The following CFDP1 variants were observed in gnomAD, a reference collection of about 807,000 sequenced individuals.
CFDP1 encodes chromatin remodeling protein CFDP1, also known as heterochromatin-stabilizing protein CFDP1.
In CFDP1, 31 loss-of-function variants were observed where a neutral mutation model predicts 40.1. That is an observed-to-expected ratio of 0.77 (90% confidence interval 0.58 to 1.04). The LOEUF is 1.04. CFDP1 is among the 50% of genes least tolerant of loss of function. The pLI, the probability that CFDP1 is intolerant of heterozygous loss-of-function variation, is 0.00. For synonymous variants in CFDP1, 167 were observed against 120.0 expected (o/e 1.39, Z -2.56); for missense variants, 423 against 343.4 (o/e 1.23, Z -1.83).
intron 1 of CFDP1, among the ~76,000 whole-genome samples, chr16:75,430,412 C>G (rs988855045): frequency 1.3e-5 from 2 of 151,898 alleles, no homozygotes; most frequent in African/African-American, 2.4e-5. Flanking sequence ...CTCAGGCAAT[C>G]CGCCCACCAC....
chr16:75,302,652 T>G (rs573170125), intron 6 of CFDP1, among the ~76,000 whole-genome samples: 60 of 152,362 alleles, frequency 3.9e-4, no homozygotes, highest in African/African-American at 1.3e-3. Context: ...CACACGCTGA[T>G]AGTTCCTCTG....
intron 6 of CFDP1, among the ~76,000 whole-genome samples, chr16:75,297,428 T>A (rs944573288): frequency 2.0e-5 from 3 of 152,104 alleles, no homozygotes; most frequent in Non-Finnish European, 4.4e-5. Context: ...GAAGGGCTCA[T>A]TAGAAAGGCC....
In CFDP1 at chr16:75,318,567, A is replaced by G. The variant is rs377083159; in HGVS notation, c.651-13385T>C. Reference sequence around the variant, plus strand: ...ACTACAGGTGCATGCTGCCATGCCTAGCTAATTTTTGTATTTTTAGTAGAG... The same window carrying G: ...ACTACAGGTGCATGCTGCCATGCCTGGCTAATTTTTGTATTTTTAGTAGAG... On this transcript the variant is annotated intron_variant, in intron 5 of 6. Transcript: ENST00000283882. Among the ~76,000 whole-genome samples, 38 of 151,990 alleles carry G rather than the reference A, an allele frequency of 2.5e-4. No individual in the cohort carries two copies. The South Asian group carries it at 6.0e-3, about 24-fold the overall frequency.
intron 5 of CFDP1, among the ~76,000 whole-genome samples, chr16:75,330,661 T>C (rs1014298630): frequency 1.3e-5 from 2 of 152,212 alleles, no homozygotes; most frequent in East Asian, 1.9e-4. Context: ...GAGAGGTCTT[T>C]CTTCTACAGC....
intron 1 of CFDP1, among the ~76,000 whole-genome samples, chr16:75,423,584 C>A (rs1018052649): frequency 6.6e-6 from 1 of 151,906 alleles, no homozygotes; most frequent in African/African-American, 2.4e-5. Context: ...GTGCGATCTC[C>A]GCTCACTGCA....
chr16:75,386,023 A>C (rs1043078363), intron 5 of CFDP1, among the ~76,000 whole-genome samples: 1 of 152,216 alleles, frequency 6.6e-6, no homozygotes, highest in African/African-American at 2.4e-5. Flanking sequence ...GTATAGGAAT[A>C]CGGCAAAATA....
intron 5 of CFDP1, among the ~76,000 whole-genome samples, chr16:75,393,289 C>A (rs1379139458): frequency 1.3e-5 from 2 of 152,150 alleles, no homozygotes; most frequent in Non-Finnish European, 2.9e-5. Context: ...TCTTGTACCT[C>A]TCTATTGGGG....
In CFDP1 at chr16:75,305,095, C is replaced by T. The variant is rs747341926; in HGVS notation, c.738G>A (p.Leu246=). Residue 246 remains leucine (L), a synonymous_variant, in exon 6 of 7, where the codon CTG becomes CTA. Coordinates refer to ENST00000283882, the MANE Select transcript of CFDP1 (RefSeq NM_006324.3). ...CTTCCTCCTTGAAGCTCTCCCAGTC[C>T]AGTTTGGACTTCTCAAGGGTGCTCA... ...QKMSTLEKSK[L]DWESFKEEEG... 56 of 1,614,058 alleles carry T rather than the reference C, an allele frequency of 3.5e-5. No homozygotes were observed. The highest frequency in any genetic ancestry group is 4.7e-5 in the Non-Finnish European group (56 of 1,180,034).
chr16:75,399,559 T>C (rs1270031850), intron 4 of CFDP1, among the ~76,000 whole-genome samples: 1 of 152,138 alleles, frequency 6.6e-6, no homozygotes, highest in African/African-American at 2.4e-5. Flanking sequence ...TTTTTTTTGT[T>C]TTAAAGACAG....
At chr16:75,371,528 G>C (rs2078751181) in intron 5 of CFDP1, among the ~76,000 whole-genome samples, 2 of 152,138 alleles carry the variant, frequency 1.3e-5, no homozygotes, top group African/African-American at 4.8e-5. Flanking sequence ...TAAGCGTTTT[G>C]GTTAAGCTTC....
At position 75,422,245 on chromosome 16, in the gene CFDP1, T is replaced by G. The variant is rs535574652; in HGVS notation, c.65-7550A>C. Among the ~76,000 whole-genome samples the G allele has an allele frequency of 7.3e-5, 11 of 151,664 alleles. No individual in the cohort carries two copies. The South Asian group carries it at 2.3e-3, about 32-fold the overall frequency. On this transcript the variant is annotated intron_variant, in intron 1 of 6. Transcript: ENST00000283882. The stretch of plus-strand genomic sequence containing the variant: ...CCAAGTAGCTGGGATTACAGGCGCT[T>G]GCCACCACACCCGGCTAATTTTTTG...
chr16:75,389,413 C>T (rs2078929385), intron 5 of CFDP1, among the ~76,000 whole-genome samples: 1 of 152,194 alleles, frequency 6.6e-6, no homozygotes, highest in Non-Finnish European at 1.5e-5. Context: ...AAAACATAAA[C>T]TTTGGCTTTT....
At chr16:75,367,646 A>G (rs1425958304) in intron 5 of CFDP1, among the ~76,000 whole-genome samples, 2 of 151,834 alleles carry the variant, frequency 1.3e-5, no homozygotes, top group African/African-American at 4.8e-5. Context: ...TACAAAAATT[A>G]GCCGGTCGTG....
intron 6 of CFDP1, among the ~76,000 whole-genome samples, chr16:75,297,146 T>TGTGTGTGTGTGTGTGTGTGTGTGTGTG (rs1491503380): frequency 3.0e-5 from 4 of 132,986 alleles, no homozygotes; most frequent in East Asian, 4.4e-4. Flanking sequence ...TTCCCATTTC[T>TGTGTGTGTGTGTGTGTGTGTGTGTGTG]TGTGTGTGTG....
At chr16:75,320,984 T>G (rs1415314926) in intron 5 of CFDP1, among the ~76,000 whole-genome samples, 3 of 152,176 alleles carry the variant, frequency 2.0e-5, no homozygotes, top group Non-Finnish European at 4.4e-5. Flanking sequence ...GCTAGTATTT[T>G]TTTTTTAAGA....
intron 6 of CFDP1, among the ~76,000 whole-genome samples, chr16:75,300,957 A>C (rs895300599): frequency 7.2e-5 from 11 of 152,170 alleles, no homozygotes; most frequent in African/African-American, 2.4e-4. Context: ...AGGAGATGCC[A>C]CCAAGCTCTA....
intron 5 of CFDP1, among the ~76,000 whole-genome samples, chr16:75,361,389 G>A (rs752206732): frequency 6.6e-6 from 1 of 152,126 alleles, no homozygotes; most frequent in Non-Finnish European, 1.5e-5. Context: ...GGCCGAGGCA[G>A]GTGGATCACT....
At chr16:75,398,788 G>GC (rs113309773) in intron 4 of CFDP1, among the ~76,000 whole-genome samples, 78,570 of 151,798 alleles carry the variant, frequency 0.52, 21,384 homozygotes, top group Admixed American at 0.64. Flanking sequence ...GGGCGTGGTG[G>GC]TCATGCCTGT....
intron 6 of CFDP1, 63 bp from the exon 7 acceptor site, chr16:75,294,105 T>A: frequency 8.1e-7 from 1 of 1,236,888 alleles, no homozygotes; most frequent in Non-Finnish European, 1.2e-6. Flanking sequence ...CCCTGCACAG[T>A]CCCATCCCCC....
Sources: allele counts gnomAD v4.1 joint callset (sites outside exome capture counted in the v4.1 genomes callset), GRCh38; gene constraint gnomAD v4.1.1; transcripts MANE v1.5; gene names NCBI Gene and HGNC (gene_info 2026-07-23, HGNC 2026-07-21).